The following CTDP1 variants were observed in gnomAD, a reference collection of about 807,000 sequenced individuals.
CTDP1 encodes the protein RNA polymerase II subunit A C-terminal domain phosphatase.
In CTDP1, 47 loss-of-function variants were observed where a neutral mutation model predicts 91.8. The observed-to-expected ratio is 0.51, with a 90% CI of 0.41 to 0.65. The LOEUF is 0.65. Among genes scored for constraint, CTDP1 ranks in the 30% least tolerant of loss-of-function variants. The pLI, the probability that CTDP1 is intolerant of heterozygous loss-of-function variation, is 0.00. For synonymous variants in CTDP1, 656 were observed against 598.5 expected, an observed-to-expected ratio of 1.10 and a Z score of -1.40; for missense variants, 1,272 against 1,373.7, an observed-to-expected ratio of 0.93 and a Z score of 1.17.
intron 1 of CTDP1, among the ~76,000 whole-genome samples, chr18:79,694,213 A>ACG (rs2085689756): frequency 5.8e-4 from 54 of 93,712 alleles, no homozygotes; most frequent in African/African-American, 2.5e-3. Flanking sequence ...TCATGTCTGC[A>ACG]GGGCAGGGTG....
Position 79,714,672 on chromosome 18 carries a change from G to A in CTDP1, c.1212G>A (p.Arg404=). The stretch of plus-strand genomic sequence containing the variant: ...CCCGCCCCGGGAAGCCAGACGAGAG[G>A]GACATCTGGCCCCCTGCCCAGGCCC... ...DSPRPGKPDE[R]DIWPPAQAPT... Residue 404 remains arginine, a synonymous_variant, in exon 8 of 13, where the codon AGG becomes AGA. Transcript: ENST00000613122. 1 of 1,611,578 alleles carries A rather than the reference G, an allele frequency of 6.2e-7. No homozygotes were observed. The highest frequency in any genetic ancestry group is 1.3e-5 in the African/African-American group (1 of 75,052).
At chr18:79,685,026 G>A (rs1040934849) in intron 1 of CTDP1, among the ~76,000 whole-genome samples, 27 of 150,614 alleles carry the variant, frequency 1.8e-4, no homozygotes, top group Admixed American at 5.3e-4. Flanking sequence ...GGACCTCGTG[G>A]TCTCTACTCC....
At chr18:79,719,008 G>A (rs1464130571) in intron 10 of CTDP1, among the ~76,000 whole-genome samples, 1 of 151,896 alleles carries the variant, frequency 6.6e-6, no homozygotes, top group African/African-American at 2.4e-5. Flanking sequence ...GGAGTGCATG[G>A]CCCTCCCAAG....
At chr18:79,722,530 C>T (rs528868211) in intron 10 of CTDP1, among the ~76,000 whole-genome samples, 3 of 152,244 alleles carry the variant, frequency 2.0e-5, no homozygotes, top group South Asian at 2.1e-4. Context: ...TGTTAGGTTG[C>T]GATAATCGTC....
chr18:79,682,289 C>G (rs964260810), intron 1 of CTDP1, among the ~76,000 whole-genome samples: 1 of 152,224 alleles, frequency 6.6e-6, no homozygotes, highest in African/African-American at 2.4e-5. Context: ...TTGAAAATTA[C>G]TAGATTCAGT....
rs188772431 is a variant in CTDP1, at chr18:79,698,031, G to A, written c.621+43G>A. 1.0e-4 allele frequency: 163 copies of A among 1,612,224 alleles called. 1 individual carries two copies. The African/African-American group carries it at 1.7e-3, about 17-fold the overall frequency. On this transcript the variant is annotated intron_variant, in intron 4 of 12. Coordinates refer to ENST00000613122, the MANE Select transcript of CTDP1 (RefSeq NM_004715.5). Reference sequence around the variant, plus strand: ...CTACGGACAGTTTCCCAGGAACCGCGGGTCCTAGAATTTTGATTCAGAAGT... The same window carrying A: ...CTACGGACAGTTTCCCAGGAACCGCAGGTCCTAGAATTTTGATTCAGAAGT...
intron 5 of CTDP1, among the ~76,000 whole-genome samples, chr18:79,708,602 T>C (rs867741360): frequency 6.6e-5 from 10 of 152,330 alleles, no homozygotes; most frequent in Middle Eastern, 3.4e-3. Flanking sequence ...CTTGAGAGAA[T>C]GTGGGCTGCG....
chr18:79,715,786 A>G (rs990431581), intron 8 of CTDP1, among the ~76,000 whole-genome samples: 13 of 152,216 alleles, frequency 8.5e-5, no homozygotes, highest in African/African-American at 2.9e-4. Context: ...TTCTCCCTGG[A>G]GTAAGCCATG....
chr18:79,688,974 C>T (rs144017342), intron 1 of CTDP1, among the ~76,000 whole-genome samples: 3 of 152,342 alleles, frequency 2.0e-5, no homozygotes, highest in East Asian at 1.9e-4. Flanking sequence ...CCCATGCACA[C>T]GCACATTTTT....
chr18:79,715,771 C>G (rs1284044693), intron 8 of CTDP1, among the ~76,000 whole-genome samples: 3 of 152,206 alleles, frequency 2.0e-5, no homozygotes, highest in African/African-American at 4.8e-5. Flanking sequence ...GTAGAAAGTT[C>G]AACCTTCTCC....
intron 5 of CTDP1, among the ~76,000 whole-genome samples, chr18:79,706,138 G>A (rs1421334534): frequency 6.6e-6 from 1 of 152,192 alleles, no homozygotes; most frequent in African/African-American, 2.4e-5. Context: ...CCTTACCCAG[G>A]TGGGCCCTGG....
chr18:79,708,560 C>T (rs1016877370), intron 5 of CTDP1, among the ~76,000 whole-genome samples: 3 of 152,214 alleles, frequency 2.0e-5, no homozygotes, highest in African/African-American at 4.8e-5. Flanking sequence ...CATGCAGAGG[C>T]GTGGAGCCAG....
chr18:79,707,372 A>G (rs555997407), intron 5 of CTDP1, among the ~76,000 whole-genome samples: 24 of 152,342 alleles, frequency 1.6e-4, no homozygotes, highest in African/African-American at 5.5e-4. Context: ...CAGAGCATCC[A>G]TGCAGACATC....
chr18:79,717,781 T>G, intron 9 of CTDP1, 29 bp from the exon 10 acceptor site: 3 of 1,613,638 alleles, frequency 1.9e-6, no homozygotes, highest in Non-Finnish European at 2.5e-6. Flanking sequence ...GACGCCCCGC[T>G]CATGGCCCTC....
intron 10 of CTDP1, among the ~76,000 whole-genome samples, chr18:79,722,377 C>T (rs1251218022): frequency 4.6e-5 from 7 of 152,310 alleles, no homozygotes; most frequent in Admixed American, 2.0e-4. Flanking sequence ...GGAAGATGCA[C>T]GCTGGGCTGT....
At chr18:79,688,096 C>CGGTT (rs1370694428) in intron 1 of CTDP1, among the ~76,000 whole-genome samples, 1 of 152,256 alleles carries the variant, frequency 6.6e-6, no homozygotes, top group African/African-American at 2.4e-5. Context: ...GCTGCCAGAG[C>CGGTT]CCCACCTGTG....
intron 1 of CTDP1, among the ~76,000 whole-genome samples, chr18:79,694,993 G>T (rs1041563482): frequency 6.6e-6 from 1 of 152,212 alleles, no homozygotes; most frequent in Non-Finnish European, 1.5e-5. Context: ...TGGCACGGGG[G>T]TGGTGAGGTG....
At chr18:79,699,052 A>G (rs1433887446) in intron 4 of CTDP1, among the ~76,000 whole-genome samples, 1 of 152,124 alleles carries the variant, frequency 6.6e-6, no homozygotes, top group Non-Finnish European at 1.5e-5. Context: ...CAGAATGGAG[A>G]GAATCGAGTA....
At chr18:79,676,901 T>C (rs916512878), upstream of CTDP1, among the ~76,000 whole-genome samples, 1 of 152,182 alleles carries the variant, frequency 6.6e-6, no homozygotes, top group Non-Finnish European at 1.5e-5. Context: ...ATTAAAGACA[T>C]GGTTAAGTTT....
Sources: gnomAD v4.1 joint callset for allele counts (sites outside exome capture counted in the v4.1 genomes callset) on GRCh38, gnomAD v4.1.1 for gene constraint, MANE v1.5 for transcripts, NCBI Gene and HGNC (gene_info 2026-07-23, HGNC 2026-07-21) for gene names.